Variants in MDGA2 observed in about 807,000 individuals in gnomAD.
MDGA2 encodes the protein MAM domain containing glycosylphosphatidylinositol anchor 2, also known as MAM domain-containing glycosylphosphatidylinositol anchor protein 2.
Under a neutral mutation model 117.8 loss-of-function variants are expected in MDGA2, and 40 were observed. The observed-to-expected ratio is 0.34, with a 90% CI of 0.26 to 0.44. The LOEUF is 0.44. MDGA2 is among the 20% of genes least tolerant of loss of function. The pLI, the probability that MDGA2 is intolerant of heterozygous loss-of-function variation, is 1.00. For synonymous variants in MDGA2, 452 were observed against 439.0 expected, an observed-to-expected ratio of 1.03 and a Z score of -0.37; for missense variants, 1,123 against 1,250.6, an observed-to-expected ratio of 0.90 and a Z score of 1.54.
At chr14:47,050,182 T>A (rs1056740836) in intron 7 of MDGA2, among the ~76,000 whole-genome samples, 11 of 152,066 alleles carry the variant, frequency 7.2e-5, no homozygotes, top group Non-Finnish European at 1.3e-4. Flanking sequence ...AATTCACCTA[T>A]GTTCAACACT....
chr14:47,498,020 T>A (rs1006394252), intron 1 of MDGA2, among the ~76,000 whole-genome samples: 1 of 152,190 alleles, frequency 6.6e-6, no homozygotes, highest in Non-Finnish European at 1.5e-5. Context: ...ATTCACTTTG[T>A]ATGTTACTTT....
At chr14:47,107,637 A>T (rs1393496474) in intron 5 of MDGA2, among the ~76,000 whole-genome samples, 4 of 151,308 alleles carry the variant, frequency 2.6e-5, no homozygotes, top group Non-Finnish European at 5.9e-5. Flanking sequence ...TCATAAAAAC[A>T]CACGTGCTCT....
At chr14:47,247,632 TTTATTA>T (rs71448183) in intron 2 of MDGA2, among the ~76,000 whole-genome samples, 13 of 146,108 alleles carry the variant, frequency 8.9e-5, no homozygotes, top group South Asian at 2.2e-4. Flanking sequence ...TCAGTACATA[TTTATTA>T]TTATTATTAT....
chr14:47,631,845 C>A (rs1282636360), intron 1 of MDGA2, among the ~76,000 whole-genome samples: 1 of 152,050 alleles, frequency 6.6e-6, no homozygotes, highest in African/African-American at 2.4e-5. Context: ...CCACACCCTG[C>A]AGGCCGCACG....
At chr14:47,448,841 G>A (rs1443587395) in intron 1 of MDGA2, among the ~76,000 whole-genome samples, 1 of 152,120 alleles carries the variant, frequency 6.6e-6, no homozygotes, top group Non-Finnish European at 1.5e-5. Context: ...CATGTGGAAC[G>A]GAGTCCTTAG....
chr14:47,506,495 T>C (rs1894515392), intron 1 of MDGA2, among the ~76,000 whole-genome samples: 1 of 152,156 alleles, frequency 6.6e-6, no homozygotes, highest in Non-Finnish European at 1.5e-5. Context: ...TCTCTCTCTT[T>C]TCCTTTATAG....
chr14:47,014,888 T>G (rs547483652), intron 8 of MDGA2, among the ~76,000 whole-genome samples: 28 of 152,338 alleles, frequency 1.8e-4, no homozygotes, highest in African/African-American at 6.7e-4. Context: ...GGATAACTGG[T>G]GCAAAAGGCC....
intron 1 of MDGA2, among the ~76,000 whole-genome samples, chr14:47,509,910 T>A (rs551565674): frequency 6.6e-6 from 1 of 152,346 alleles, no homozygotes; most frequent in East Asian, 1.9e-4. Context: ...ATGTTTAGAT[T>A]AGACTTTAGT....
At chr14:47,202,823 A>G (rs1885557121) in intron 3 of MDGA2, among the ~76,000 whole-genome samples, 2 of 149,322 alleles carry the variant, frequency 1.3e-5, no homozygotes, top group Non-Finnish European at 3.0e-5. Context: ...TAATGACCTT[A>G]ATGCCCAAGT....
intron 1 of MDGA2, among the ~76,000 whole-genome samples, chr14:47,347,270 TGTTAAGAATGG>T (rs1309577274): frequency 4.6e-5 from 7 of 152,126 alleles, no homozygotes; most frequent in Admixed American, 4.6e-4. Flanking sequence ...GGGAAGAACG[TGTTAAGAATGG>T]ATTAAGAATG....
chr14:46,994,125 A>G (rs749372003), intron 8 of MDGA2, among the ~76,000 whole-genome samples: 2 of 152,150 alleles, frequency 1.3e-5, no homozygotes, highest in Admixed American at 1.3e-4. Context: ...AGAGGCTTGA[A>G]TAAGTTTTAC....
intron 2 of MDGA2, among the ~76,000 whole-genome samples, chr14:47,287,141 T>C (rs1042006684): frequency 1.3e-5 from 2 of 151,920 alleles, no homozygotes; most frequent in Admixed American, 6.6e-5. Context: ...GTGGAGACAG[T>C]AGAATTTAAA....
At chr14:47,177,466 C>T (rs1264173258) in intron 3 of MDGA2, among the ~76,000 whole-genome samples, 1 of 152,136 alleles carries the variant, frequency 6.6e-6, no homozygotes, top group Non-Finnish European at 1.5e-5. Context: ...GAATACTATG[C>T]AGCCATAAAA....
chr14:47,176,032 A>G (rs929201289), intron 3 of MDGA2, among the ~76,000 whole-genome samples: 6 of 152,358 alleles, frequency 3.9e-5, no homozygotes, highest in Non-Finnish European at 8.8e-5. Context: ...CCAAATCATG[A>G]GTGAACTCCC....
chr14:47,622,956 G>A (rs1897076613), intron 1 of MDGA2, among the ~76,000 whole-genome samples: 1 of 152,150 alleles, frequency 6.6e-6, no homozygotes, highest in Non-Finnish European at 1.5e-5. Context: ...TTAAAGGATG[G>A]TGGTGAGGGT....
intron 1 of MDGA2, among the ~76,000 whole-genome samples, chr14:47,417,494 A>T (rs1327833237): frequency 6.6e-6 from 1 of 152,096 alleles, no homozygotes; most frequent in Non-Finnish European, 1.5e-5. Context: ...GATTACTCAT[A>T]TGTTCTTTGA....
intron 1 of MDGA2, among the ~76,000 whole-genome samples, chr14:47,380,922 G>A (rs1194734354): frequency 6.6e-6 from 1 of 152,074 alleles, no homozygotes; most frequent in Non-Finnish European, 1.5e-5. Flanking sequence ...GAGAATTTTA[G>A]ACCAATATCC....
At chr14:47,417,765 A>T (rs942179673) in intron 1 of MDGA2, among the ~76,000 whole-genome samples, 2 of 152,058 alleles carry the variant, frequency 1.3e-5, no homozygotes, top group African/African-American at 4.8e-5. Flanking sequence ...CCCAGGATGG[A>T]CTGCAGTGGC....
At chr14:47,613,492 C>CAT (rs1896891859) in intron 1 of MDGA2, among the ~76,000 whole-genome samples, 1 of 151,648 alleles carries the variant, frequency 6.6e-6, no homozygotes, top group Non-Finnish European at 1.5e-5. Flanking sequence ...CACACACACA[C>CAT]ACACACACAC....
Sources: allele counts gnomAD v4.1 joint callset (sites outside exome capture counted in the v4.1 genomes callset), GRCh38; gene constraint gnomAD v4.1.1; transcripts MANE v1.5; gene names NCBI Gene and HGNC (gene_info 2026-07-23, HGNC 2026-07-21).